Variants in ANKRD11 observed in about 807,000 individuals in gnomAD.
The protein encoded by ANKRD11 is ankyrin repeat domain 11.
In ANKRD11, 17 loss-of-function variants were observed where a neutral mutation model predicts 195.7. That is an observed-to-expected ratio of 0.09 (90% confidence interval 0.06 to 0.13). The LOEUF is 0.13. Ranked by LOEUF, ANKRD11 falls within the 10% of genes least tolerant of loss-of-function variation. ANKRD11 has a pLI of 1.00. For synonymous variants in ANKRD11, 1,953 were observed against 1,528.1 expected, an observed-to-expected ratio of 1.28 and a Z score of -6.49; for missense variants, 3,735 against 3,566.1, an observed-to-expected ratio of 1.05 and a Z score of -1.21.
chr16:89,342,491 G>T (rs186464134), intron 2 of ANKRD11, among the ~76,000 whole-genome samples: 5 of 152,242 alleles, frequency 3.3e-5, no homozygotes, highest in Admixed American at 2.6e-4. Context: ...GAGGAGGAAC[G>T]GGCAGGGAGA....
intron 3 of ANKRD11, among the ~76,000 whole-genome samples, chr16:89,313,864 T>C (rs1391014018): frequency 6.6e-6 from 1 of 152,232 alleles, no homozygotes; most frequent in African/African-American, 2.4e-5. Context: ...CCCTACTCCC[T>C]GTAATGCGTT....
intron 2 of ANKRD11, among the ~76,000 whole-genome samples, chr16:89,344,278 TC>T (rs1463900195): frequency 2.0e-5 from 3 of 152,182 alleles, no homozygotes; most frequent in Non-Finnish European, 2.9e-5. Flanking sequence ...ATTTGGAGCC[TC>T]TAACGAGCCT....
chr16:89,380,329 C>G (rs1334828014), intron 2 of ANKRD11, among the ~76,000 whole-genome samples: 1 of 152,202 alleles, frequency 6.6e-6, no homozygotes, highest in Non-Finnish European at 1.5e-5. Context: ...CCAAGCTGGT[C>G]TCAAACTCCT....
intron 2 of ANKRD11, among the ~76,000 whole-genome samples, chr16:89,416,905 C>A (rs888398933): frequency 6.6e-6 from 1 of 152,150 alleles, no homozygotes; most frequent in Non-Finnish European, 1.5e-5. Context: ...CGCTGCCCCC[C>A]TTTTCCCATG....
intron 1 of ANKRD11, among the ~76,000 whole-genome samples, chr16:89,453,222 TACTC>T (rs1267838569): frequency 1.3e-5 from 2 of 152,240 alleles, no homozygotes; most frequent in Admixed American, 6.5e-5. Context: ...ATTTCTTAGA[TACTC>T]ACTACTTCTC....
intron 1 of ANKRD11, among the ~76,000 whole-genome samples, chr16:89,480,117 A>G (rs1169955557): frequency 6.6e-6 from 1 of 151,070 alleles, no homozygotes; most frequent in Non-Finnish European, 1.5e-5. Flanking sequence ...TCTCAAAAAA[A>G]AAAAATTAAG....
chr16:89,280,895 A>C lies in ANKRD11; in HGVS notation c.5647T>G (p.Phe1883Val), dbSNP rs781599620. 1 of 1,604,074 alleles carries C rather than the reference A, an allele frequency of 6.2e-7. No individual in the cohort carries two copies. Among genetic ancestry groups the C allele is most frequent in the Non-Finnish European group, 8.5e-7 (1 of 1,172,954 alleles). ...GAAGGTTTTGCTTGTAAACTTGAGA[A>C]GACGCCCTCTGGAGACGGGGTGACA... is the stretch of plus-strand genomic sequence containing the variant. ...VTVTPSPEGV[F>V]SSLQAKPSPS... is the part of the protein sequence containing the mutation. The change falls in exon 9 of 13, where the codon TTC (phenylalanine) becomes GTC (valine). Residue 1883 changes from phenylalanine (F) to valine (V), a missense_variant. Phe to Val is a conservative substitution (Grantham distance 50). Transcript: ENST00000301030.
intron 2 of ANKRD11, among the ~76,000 whole-genome samples, chr16:89,393,848 G>C (rs2041309651): frequency 6.6e-6 from 1 of 152,178 alleles, no homozygotes; most frequent in African/African-American, 2.4e-5. Flanking sequence ...ATGTCAGACA[G>C]TGGGAATAAT....
intron 1 of ANKRD11, among the ~76,000 whole-genome samples, chr16:89,428,573 C>A (rs997163228): frequency 2.0e-5 from 3 of 151,664 alleles, no homozygotes; most frequent in Admixed American, 2.0e-4. Context: ...CTGCAATAAC[C>A]AACATAACAT....
At chr16:89,292,816 G>T (rs1869737744) in intron 4 of ANKRD11, among the ~76,000 whole-genome samples, 1 of 152,246 alleles carries the variant, frequency 6.6e-6, no homozygotes, top group Non-Finnish European at 1.5e-5. Flanking sequence ...CCACACCTTA[G>T]CAGTGAGCTT....
chr16:89,346,943 A>C (rs1288840956), intron 2 of ANKRD11, among the ~76,000 whole-genome samples: 1 of 152,238 alleles, frequency 6.6e-6, no homozygotes, highest in African/African-American at 2.4e-5. Flanking sequence ...AACAAGCTAC[A>C]CGACACAATA....
chr16:89,435,139 G>A (rs1204939618), intron 1 of ANKRD11, among the ~76,000 whole-genome samples: 2 of 152,192 alleles, frequency 1.3e-5, no homozygotes, highest in African/African-American at 4.8e-5. Context: ...AATCAGCGCT[G>A]TCTAGCTAAA....
intron 2 of ANKRD11, among the ~76,000 whole-genome samples, chr16:89,336,699 C>T (rs934620198): frequency 6.6e-6 from 1 of 152,174 alleles, no homozygotes; most frequent in South Asian, 2.1e-4. Context: ...CCCGGCCTGT[C>T]CTAAAAGCAC....
chr16:89,382,772 T>C (rs2040718530), intron 2 of ANKRD11, among the ~76,000 whole-genome samples: 1 of 152,194 alleles, frequency 6.6e-6, no homozygotes, highest in African/African-American at 2.4e-5. Context: ...GAGTCAACTG[T>C]GTTCAGCTGA....
chr16:89,312,374 A>G (rs1858363254), intron 3 of ANKRD11, among the ~76,000 whole-genome samples: 1 of 152,048 alleles, frequency 6.6e-6, no homozygotes, highest in South Asian at 2.1e-4. Flanking sequence ...TTCTACAGAG[A>G]GGAATCACGC....
At chr16:89,381,582 C>T (rs941357486) in intron 2 of ANKRD11, among the ~76,000 whole-genome samples, 8 of 152,132 alleles carry the variant, frequency 5.3e-5, no homozygotes, top group Admixed American at 3.3e-4. Context: ...AACTTACATG[C>T]GATGATACGC....
chr16:89,444,764 C>G (rs1470436606), intron 1 of ANKRD11, among the ~76,000 whole-genome samples: 1 of 152,016 alleles, frequency 6.6e-6, no homozygotes, highest in South Asian at 2.1e-4. Flanking sequence ...GATAACACAG[C>G]CAGATCCCGT....
intron 2 of ANKRD11, among the ~76,000 whole-genome samples, chr16:89,353,687 C>G (rs2039327230): frequency 6.6e-6 from 1 of 152,168 alleles, no homozygotes; most frequent in South Asian, 2.1e-4. Context: ...ATCATGTTGG[C>G]CAGGCTGGTT....
At chr16:89,336,742 T>C (rs907289288) in intron 2 of ANKRD11, among the ~76,000 whole-genome samples, 20 of 152,212 alleles carry the variant, frequency 1.3e-4, no homozygotes, top group Non-Finnish European at 4.4e-5. Context: ...TCTACCTATC[T>C]GCTTCTAATG....
Sources: allele counts gnomAD v4.1 joint callset (sites outside exome capture counted in the v4.1 genomes callset), GRCh38; gene constraint gnomAD v4.1.1; transcripts MANE v1.5; gene names NCBI Gene and HGNC (gene_info 2026-07-23, HGNC 2026-07-21).